MAGI2: variants seen among roughly 807,000 people sequenced by gnomAD.
MAGI2 encodes membrane associated guanylate kinase, WW and PDZ domain containing 2.
A neutral mutation model predicts 133.3 loss-of-function variants in MAGI2; 35 were observed. That is an observed-to-expected ratio of 0.26 (90% CI 0.20 to 0.35). The LOEUF (loss-of-function observed/expected upper bound fraction) is 0.35, where lower values mean the gene tolerates loss of function less well. Among genes scored for constraint, MAGI2 ranks in the 10% least tolerant of loss-of-function variants. The pLI, the probability that MAGI2 is intolerant of heterozygous loss-of-function variation, is 1.00. For missense variants in MAGI2, 1,636 were observed against 1,863.4 expected (o/e 0.88, Z 2.25); for synonymous variants, 729 against 710.6 (o/e 1.03, Z -0.41).
intron 9 of MAGI2, among the ~76,000 whole-genome samples, chr7:78,303,493 T>G (rs990395510): frequency 6.6e-6 from 1 of 151,276 alleles, no homozygotes; most frequent in Non-Finnish European, 1.5e-5. Context: ...TCTCTCTGCA[T>G]GCTCCCTCCC....
intron 1 of MAGI2, among the ~76,000 whole-genome samples, chr7:79,130,643 C>A (rs1820850838): frequency 6.6e-6 from 1 of 152,178 alleles, no homozygotes; most frequent in African/African-American, 2.4e-5. Flanking sequence ...CAGTGCCCTA[C>A]ATCATTGAAT....
chr7:78,054,221 G>A (rs1812319174), intron 21 of MAGI2, among the ~76,000 whole-genome samples: 2 of 152,114 alleles, frequency 1.3e-5, no homozygotes, highest in South Asian at 4.1e-4. Flanking sequence ...TGCCTCCTGG[G>A]TTCCAGCTAT....
intron 2 of MAGI2, among the ~76,000 whole-genome samples, chr7:78,660,449 A>T (rs1812825531): frequency 2.0e-5 from 3 of 152,150 alleles, no homozygotes; most frequent in Admixed American, 1.3e-4. Flanking sequence ...GATTCACAGA[A>T]GTCTTTAAGA....
intron 6 of MAGI2, among the ~76,000 whole-genome samples, chr7:78,425,013 G>C (rs1324495847): frequency 6.6e-6 from 1 of 152,104 alleles, no homozygotes; most frequent in Non-Finnish European, 1.5e-5. Context: ...GAAATGTGAG[G>C]ACATGAGATT....
At chr7:78,557,657 C>A (rs920836967) in intron 3 of MAGI2, among the ~76,000 whole-genome samples, 1 of 152,122 alleles carries the variant, frequency 6.6e-6, no homozygotes, top group East Asian at 1.9e-4. Flanking sequence ...AATGTCACTA[C>A]CCAGAAATAC....
Position 79,184,958 on chromosome 7 carries a change from A to G in MAGI2, c.302-177752T>C, listed in dbSNP as rs920007583. ...GCAACACAATTAATGGCACCAATCA[A>G]TGAAGGAAAGGGCCATGATCAAGTG... is the stretch of plus-strand genomic sequence containing the variant. On this transcript the variant is annotated intron_variant, in intron 1 of 21. Coordinates refer to ENST00000354212, the MANE Select transcript of MAGI2 (RefSeq NM_012301.4). 4.0e-5 allele frequency among the ~76,000 whole-genome samples: 6 copies of G among 151,840 alleles called. 1 individual carries two copies. The highest frequency in any genetic ancestry group is 1.5e-4 in the African/African-American group (6 of 41,276).
chr7:78,684,760 A>T (rs979568035), intron 2 of MAGI2, among the ~76,000 whole-genome samples: 4 of 152,082 alleles, frequency 2.6e-5, no homozygotes, highest in Non-Finnish European at 4.4e-5. Flanking sequence ...TCTCCCTAAA[A>T]CTTTAAAGAT....
chr7:78,193,247 T>C (rs1828406042), intron 12 of MAGI2, among the ~76,000 whole-genome samples: 1 of 152,086 alleles, frequency 6.6e-6, no homozygotes, highest in African/African-American at 2.4e-5. Flanking sequence ...TGGAAGTGAA[T>C]GATGAAGGAA....
chr7:78,499,456 C>T (rs1415836251), intron 5 of MAGI2, among the ~76,000 whole-genome samples: 1 of 152,134 alleles, frequency 6.6e-6, no homozygotes, highest in Admixed American at 6.5e-5. Flanking sequence ...CAAAATCTTA[C>T]ACATGTTTGA....
intron 1 of MAGI2, among the ~76,000 whole-genome samples, chr7:79,155,913 C>T (rs1365124440): frequency 6.6e-6 from 1 of 152,096 alleles, no homozygotes; most frequent in Non-Finnish European, 1.5e-5. Flanking sequence ...AAGCATCAAA[C>T]TGACTTTTTG....
intron 1 of MAGI2, among the ~76,000 whole-genome samples, chr7:79,232,251 T>A (rs931570657): frequency 6.6e-6 from 1 of 151,250 alleles, no homozygotes; most frequent in African/African-American, 2.4e-5. Context: ...GGTCTAAAAT[T>A]CTCTTTTTTG....
chr7:78,934,469 T>C (rs1238210440), intron 2 of MAGI2, among the ~76,000 whole-genome samples: 1 of 152,140 alleles, frequency 6.6e-6, no homozygotes, highest in Admixed American at 6.6e-5. Flanking sequence ...TATGTGTGAA[T>C]AAATGTAAGA....
At chr7:78,577,823 A>G (rs62468649) in intron 3 of MAGI2, among the ~76,000 whole-genome samples, 22,880 of 152,062 alleles carry the variant, frequency 0.15, 2,213 homozygotes, top group Non-Finnish European at 0.22. Context: ...GGCGATCTGG[A>G]TGTGTACGTG....
chr7:78,255,680 C>A, intron 10 of MAGI2: 3 of 579,634 alleles, frequency 5.2e-6, no homozygotes, highest in Admixed American at 3.5e-5. Context: ...GGGATTTAAT[C>A]TTTACCCTCC....
intron 9 of MAGI2, among the ~76,000 whole-genome samples, chr7:78,327,640 T>G (rs1213277767): frequency 6.6e-6 from 1 of 152,126 alleles, no homozygotes; most frequent in Non-Finnish European, 1.5e-5. Flanking sequence ...CTGAGGTAGG[T>G]TTTTGGGTCC....
At chr7:78,704,953 G>A (rs180842949) in intron 2 of MAGI2, among the ~76,000 whole-genome samples, 32 of 151,990 alleles carry the variant, frequency 2.1e-4, no homozygotes, top group Admixed American at 7.9e-4. Flanking sequence ...GCTAAACACT[G>A]AGTACATGTG....
At chr7:78,391,920 T>G (rs1795926844) in intron 6 of MAGI2, among the ~76,000 whole-genome samples, 1 of 152,184 alleles carries the variant, frequency 6.6e-6, no homozygotes, top group Non-Finnish European at 1.5e-5. Context: ...AGTTAGTGAT[T>G]GTGGGAAGAA....
intron 3 of MAGI2, among the ~76,000 whole-genome samples, chr7:78,572,194 C>T (rs974221366): frequency 3.9e-5 from 6 of 152,082 alleles, no homozygotes; most frequent in South Asian, 2.1e-4. Flanking sequence ...CTTTCAGTGG[C>T]GTTCATGTTT....
chr7:79,093,429 C>G (rs1006598160), intron 1 of MAGI2, among the ~76,000 whole-genome samples: 3 of 152,150 alleles, frequency 2.0e-5, no homozygotes, highest in African/African-American at 7.2e-5. Flanking sequence ...AGTCACATAA[C>G]TTTTTTGTTT....
Sources: gnomAD v4.1 joint callset for allele counts (sites outside exome capture counted in the v4.1 genomes callset) on GRCh38, gnomAD v4.1.1 for gene constraint, MANE v1.5 for transcripts, NCBI Gene and HGNC (gene_info 2026-07-23, HGNC 2026-07-21) for gene names.